The following DGKG variants were observed in gnomAD, a reference collection of about 807,000 sequenced individuals.
DGKG encodes the protein DAG kinase gamma.
Under a neutral mutation model 105.3 loss-of-function variants are expected in DGKG, and 78 were observed. The ratio of observed to expected loss-of-function variants is 0.74; its 90% CI spans 0.62 to 0.89. DGKG has a LOEUF of 0.89. Ranked by LOEUF, DGKG falls within the 40% of genes least tolerant of loss-of-function variation. The probability of loss-of-function intolerance (pLI) is 0.00; values close to 1 mark genes in which losing one functional copy is unlikely to be tolerated. For synonymous variants in DGKG, 346 were observed against 367.1 expected (o/e 0.94, Z 0.66); for missense variants, 958 against 1,020.1 (o/e 0.94, Z 0.83).
At chr3:186,316,485 G>A (rs552217672) in intron 2 of DGKG, among the ~76,000 whole-genome samples, 1 of 152,288 alleles carries the variant, frequency 6.6e-6, no homozygotes. Context: ...ATAGAATCAT[G>A]AGTAGCTTTA....
At chr3:186,314,502 C>A (rs1403522121) in intron 2 of DGKG, among the ~76,000 whole-genome samples, 2 of 152,142 alleles carry the variant, frequency 1.3e-5, no homozygotes, top group African/African-American at 4.8e-5. Context: ...CGCCTGTAGT[C>A]CCAGCACTTT....
chr3:186,326,475 G>C (rs1423868574), intron 1 of DGKG, among the ~76,000 whole-genome samples: 1 of 148,504 alleles, frequency 6.7e-6, no homozygotes, highest in Non-Finnish European at 1.5e-5. Flanking sequence ...CTCTCTCTCT[G>C]TTAAATACCT....
At chr3:186,309,562 C>A (rs1032030113) in intron 2 of DGKG, among the ~76,000 whole-genome samples, 4 of 152,132 alleles carry the variant, frequency 2.6e-5, no homozygotes, top group Admixed American at 1.3e-4. Context: ...TTTAGGAAAA[C>A]AAATCCTACA....
At chr3:186,242,375 C>T (rs934714154) in intron 20 of DGKG, 129 bp downstream of exon 20, 33 of 685,592 alleles carry the variant, frequency 4.8e-5, no homozygotes, top group Non-Finnish European at 6.4e-5. Flanking sequence ...ACCCTCCTTC[C>T]GGCAAGTGGC....
At chr3:186,242,646 G>T in intron 19 of DGKG, 78 bp from the exon 20 acceptor site, 1 of 1,284,308 alleles carries the variant, frequency 7.8e-7, no homozygotes, top group Non-Finnish European at 1.1e-6. Flanking sequence ...ACGCACGCAT[G>T]CACTCGCTGA....
At chr3:186,221,483 T>TCTTGGCAGTTAA (rs1719577797) in intron 20 of DGKG, among the ~76,000 whole-genome samples, 1 of 152,176 alleles carries the variant, frequency 6.6e-6, no homozygotes, top group African/African-American at 2.4e-5. Flanking sequence ...ATAAGCTTGC[T>TCTTGGCAGTTAA]CTTGGCAGTT....
At chr3:186,267,848 T>C in intron 12 of DGKG, 71 bp from the exon 13 acceptor site, 1 of 1,458,612 alleles carries the variant, frequency 6.9e-7, no homozygotes, top group Non-Finnish European at 9.6e-7. Context: ...GGTGGAGAGG[T>C]TTGGGGGAGA....
intron 2 of DGKG, among the ~76,000 whole-genome samples, chr3:186,314,243 G>T (rs925258530): frequency 1.1e-4 from 16 of 148,688 alleles, no homozygotes; most frequent in African/African-American, 3.5e-4. Flanking sequence ...ATGTTTGAAG[G>T]TTGAGCTCCA....
intron 20 of DGKG, among the ~76,000 whole-genome samples, chr3:186,220,880 A>C (rs1719539118): frequency 6.6e-6 from 1 of 152,194 alleles, no homozygotes; most frequent in African/African-American, 2.4e-5. Context: ...CGGACCAAGG[A>C]CACATTCTCC....
intron 21 of DGKG, among the ~76,000 whole-genome samples, chr3:186,205,394 T>C (rs1011548174): frequency 7.2e-5 from 11 of 151,844 alleles, no homozygotes; most frequent in African/African-American, 2.7e-4. Flanking sequence ...TTATCTGTAA[T>C]ATTTTATTTC....
intron 11 of DGKG, among the ~76,000 whole-genome samples, chr3:186,269,461 T>G (rs1393245086): frequency 6.6e-6 from 1 of 152,200 alleles, no homozygotes; most frequent in African/African-American, 2.4e-5. Context: ...TAGCACATTT[T>G]GAAGGGCCTC....
intron 24 of DGKG, chr3:186,160,461 A>G: frequency 1.0e-6 from 1 of 985,400 alleles, no homozygotes; most frequent in Non-Finnish European, 1.2e-6. Flanking sequence ...GAAAGCTATT[A>G]TTTGATATAG....
intron 10 of DGKG, among the ~76,000 whole-genome samples, chr3:186,274,887 C>G (rs1722505209): frequency 6.6e-6 from 1 of 152,022 alleles, no homozygotes; most frequent in African/African-American, 2.4e-5. Flanking sequence ...ATTTATAATC[C>G]TTTGGGTATA....
At chr3:186,348,367 C>CTTTTTTTTTTTTTTTTTTTTTTTT (rs1303442403) in intron 1 of DGKG, among the ~76,000 whole-genome samples, 1 of 48,284 alleles carries the variant, frequency 2.1e-5, no homozygotes, top group Non-Finnish European at 4.1e-5. Context: ...TTGCTGGGTG[C>CTTTTTTTTTTTTTTTTTTTTTTTT]TTTTTTTTTT....
chr3:186,195,582 C>T (rs569619075), intron 21 of DGKG, among the ~76,000 whole-genome samples: 169 of 152,132 alleles, frequency 1.1e-3, no homozygotes, highest in Non-Finnish European at 1.7e-3. Flanking sequence ...ATGCAGATCA[C>T]TCCAGGGTCT....
At chr3:186,268,030 C>A (rs550430924) in intron 12 of DGKG, among the ~76,000 whole-genome samples, 1 of 152,070 alleles carries the variant, frequency 6.6e-6, no homozygotes, top group South Asian at 2.1e-4. Flanking sequence ...AGTCATGAGC[C>A]GGCCTGTGAC....
chr3:186,177,996 T>G (rs984219919), intron 22 of DGKG, among the ~76,000 whole-genome samples: 1 of 152,212 alleles, frequency 6.6e-6, no homozygotes, highest in Non-Finnish European at 1.5e-5. Flanking sequence ...GGTGGAGTCC[T>G]TGTGAATGTG....
At position 186,306,896 on chromosome 3, in the gene DGKG, C is replaced by T. The variant is rs1368984798; in HGVS notation, c.144+5G>A. The T allele has an allele frequency of 1.9e-6, 3 of 1,597,078 alleles. No individual in the cohort carries two copies. The highest frequency in any genetic ancestry group is 2.6e-6 in the Non-Finnish European group (3 of 1,165,464). On this transcript the variant is annotated splice_donor_5th_base_variant and intron_variant, in intron 3 of 24. Coordinates refer to ENST00000265022, the MANE Select transcript of DGKG (RefSeq NM_001346.3). Reference sequence around the variant, plus strand: ...TTTAAAGGCTTAAAATGGAAATGTTCTTACCTCATGTGGGTCATATTGTTT... The same window carrying T: ...TTTAAAGGCTTAAAATGGAAATGTTTTTACCTCATGTGGGTCATATTGTTT...
chr3:186,173,073 G>C (rs1878296), intron 22 of DGKG, among the ~76,000 whole-genome samples: 19,981 of 152,230 alleles, frequency 0.13, 1,543 homozygotes, highest in South Asian at 0.22. Flanking sequence ...ATGGACCTTG[G>C]TGTTTCTCTG....
Sources: allele counts gnomAD v4.1 joint callset (sites outside exome capture counted in the v4.1 genomes callset), GRCh38; gene constraint gnomAD v4.1.1; transcripts MANE v1.5; gene names NCBI Gene and HGNC (gene_info 2026-07-23, HGNC 2026-07-21).